The following FUT9 variants were observed in gnomAD, a reference collection of about 807,000 sequenced individuals.
FUT9 encodes the protein 4-galactosyl-N-acetylglucosaminide 3-alpha-L-fucosyltransferase 9.
A neutral mutation model predicts 29.7 loss-of-function variants in FUT9; 15 were observed. The observed-to-expected ratio is 0.51, with a 90% CI of 0.34 to 0.78. The LOEUF (loss-of-function observed/expected upper bound fraction) is 0.78. Among genes scored for constraint, FUT9 ranks in the 30% least tolerant of loss-of-function variants. The pLI, the probability that FUT9 is intolerant of heterozygous loss-of-function variation, is 0.01. For synonymous variants in FUT9, 169 were observed against 153.7 expected, an observed-to-expected ratio of 1.10 and a Z score of -0.74; for missense variants, 319 against 425.4, an observed-to-expected ratio of 0.75 and a Z score of 2.20.
intron 1 of FUT9, among the ~76,000 whole-genome samples, chr6:96,023,725 C>T (rs892942664): frequency 6.6e-6 from 1 of 151,886 alleles, no homozygotes; most frequent in African/African-American, 2.4e-5. Flanking sequence ...ATAATCCATT[C>T]CAAGCTTCTA....
intron 1 of FUT9, among the ~76,000 whole-genome samples, chr6:96,072,363 G>T (rs952592998): frequency 6.6e-6 from 1 of 152,138 alleles, no homozygotes; most frequent in Non-Finnish European, 1.5e-5. Flanking sequence ...AAACACTAAT[G>T]ATGTAAAAAA....
intron 2 of FUT9, among the ~76,000 whole-genome samples, chr6:96,150,331 A>G (rs1222042910): frequency 6.6e-6 from 1 of 152,194 alleles, no homozygotes; most frequent in Non-Finnish European, 1.5e-5. Context: ...TATGGAAATT[A>G]GTGCAGAGCG....
chr6:96,133,906 CT>C (rs1772298149), intron 2 of FUT9, among the ~76,000 whole-genome samples: 1 of 151,644 alleles, frequency 6.6e-6, no homozygotes, highest in Non-Finnish European at 1.5e-5. Flanking sequence ...GATAGTTTCA[CT>C]TTGTTTAATG....
intron 1 of FUT9, among the ~76,000 whole-genome samples, chr6:96,074,619 CA>C (rs940416996): frequency 4.6e-5 from 7 of 151,826 alleles, no homozygotes; most frequent in Non-Finnish European, 1.0e-4. Flanking sequence ...ACATTAGGTT[CA>C]AAAATAAGGT....
chr6:96,152,440 A>T (rs537031147), intron 2 of FUT9, among the ~76,000 whole-genome samples: 3 of 152,176 alleles, frequency 2.0e-5, no homozygotes, highest in Non-Finnish European at 4.4e-5. Flanking sequence ...CCACTGGACC[A>T]AAAGTACTGG....
chr6:96,033,503 A>G (rs1361827811), intron 1 of FUT9, among the ~76,000 whole-genome samples: 1 of 151,686 alleles, frequency 6.6e-6, no homozygotes, highest in Non-Finnish European at 1.5e-5. Context: ...CAGCAGGTCC[A>G]GAAAACATGT....
intron 1 of FUT9, among the ~76,000 whole-genome samples, chr6:96,068,510 T>C (rs1378301441): frequency 6.6e-6 from 1 of 152,180 alleles, no homozygotes; most frequent in Non-Finnish European, 1.5e-5. Context: ...ATAATTGTTA[T>C]GAATGAAGCA....
At chr6:96,147,914 G>C (rs571011807) in intron 2 of FUT9, among the ~76,000 whole-genome samples, 76 of 151,298 alleles carry the variant, frequency 5.0e-4, no homozygotes, top group African/African-American at 1.8e-3. Flanking sequence ...AAGTGCATTT[G>C]ATATGTTTCT....
intron 2 of FUT9, among the ~76,000 whole-genome samples, chr6:96,126,961 A>G (rs1325533956): frequency 6.6e-6 from 1 of 152,196 alleles, no homozygotes; most frequent in East Asian, 1.9e-4. Flanking sequence ...TTCATGGAAA[A>G]CTATTATTAA....
intron 1 of FUT9, among the ~76,000 whole-genome samples, chr6:96,081,545 G>A (rs1458170713): frequency 6.6e-6 from 1 of 151,730 alleles, no homozygotes; most frequent in East Asian, 1.9e-4. Context: ...TCTAATATGG[G>A]TAAATATTTG....
At chr6:96,096,740 C>T (rs896747949) in intron 1 of FUT9, among the ~76,000 whole-genome samples, 5 of 139,650 alleles carry the variant, frequency 3.6e-5, no homozygotes, top group Middle Eastern at 3.8e-3. Context: ...TAAAATTCAC[C>T]TTCCCAAGGC....
At chr6:96,188,820 T>C (rs575380182) in intron 2 of FUT9, among the ~76,000 whole-genome samples, 5 of 152,060 alleles carry the variant, frequency 3.3e-5, no homozygotes, top group South Asian at 4.1e-4. Flanking sequence ...ACATTGGAAA[T>C]GCTGAATGGT....
chr6:96,168,815 G>GA (rs1280486766), intron 2 of FUT9, among the ~76,000 whole-genome samples: 2 of 152,044 alleles, frequency 1.3e-5, no homozygotes, highest in Non-Finnish European at 2.9e-5. Context: ...TAATCCCACA[G>GA]AAAGTGAAAA....
intron 1 of FUT9, among the ~76,000 whole-genome samples, chr6:96,066,242 C>T (rs1055619655): frequency 4.6e-5 from 7 of 151,904 alleles, no homozygotes; most frequent in Non-Finnish European, 7.4e-5. Context: ...TGCTTATTCT[C>T]ATCTGTTTCT....
rs1405201369 is a variant in FUT9, at chr6:96,214,919, C to T, written c.*10684C>T. On this transcript the variant is annotated 3_prime_UTR_variant, in exon 3 of 3. Transcript: ENST00000302103. ...TAATGATAAGAAAAATTGACTGTAG[C>T]TATTATTCCAAGTGAAAATCATGCA... is the stretch of plus-strand genomic sequence containing the variant. The T allele has an allele frequency of 6.0e-6, 1 of 166,986 alleles. No homozygotes were observed. The highest frequency in any genetic ancestry group is 2.4e-5 in the African/African-American group (1 of 41,422). The allele number at this position is 166,986 out of a possible 1,614,324, so 10.3% of individuals were successfully genotyped here. A position where few individuals can be genotyped will look rare whatever the true frequency, so the allele number is the denominator to read the frequency against.
chr6:96,060,322 G>A (rs1727905102), intron 1 of FUT9, among the ~76,000 whole-genome samples: 1 of 152,058 alleles, frequency 6.6e-6, no homozygotes, highest in Non-Finnish European at 1.5e-5. Context: ...GAATATTTCA[G>A]TAATAACATT....
chr6:96,192,368 A>G (rs1449665019), intron 2 of FUT9, among the ~76,000 whole-genome samples: 18 of 152,188 alleles, frequency 1.2e-4, no homozygotes, highest in Admixed American at 1.2e-3. Flanking sequence ...AGGATACAAA[A>G]TCAATGTGCA....
chr6:96,064,798 T>C (rs1770935674), intron 1 of FUT9, among the ~76,000 whole-genome samples: 1 of 151,900 alleles, frequency 6.6e-6, no homozygotes, highest in South Asian at 2.1e-4. Context: ...CACCATTCAA[T>C]TTTCTCCCCA....
chr6:96,144,340 G>C (rs1156582680), intron 2 of FUT9, among the ~76,000 whole-genome samples: 1 of 152,114 alleles, frequency 6.6e-6, no homozygotes, highest in Admixed American at 6.6e-5. Flanking sequence ...GCTATGCAGG[G>C]CCATTATATC....
Sources: gnomAD v4.1 joint callset for allele counts (sites outside exome capture counted in the v4.1 genomes callset) on GRCh38, gnomAD v4.1.1 for gene constraint, MANE v1.5 for transcripts, NCBI Gene and HGNC (gene_info 2026-07-23, HGNC 2026-07-21) for gene names.